Variants in PSME4 observed in about 807,000 individuals in gnomAD.
PSME4 encodes the protein proteasome activator complex subunit 4.
PSME4 carries 89 observed loss-of-function variants against 253.9 expected under a neutral mutation model. The ratio of observed to expected loss-of-function variants is 0.35; its 90% CI spans 0.30 to 0.42. PSME4 has a LOEUF of 0.42. Among genes scored for constraint, PSME4 ranks in the 10% least tolerant of loss-of-function variants. The probability of loss-of-function intolerance (pLI) is 1.00; values close to 1 mark genes in which losing one functional copy is unlikely to be tolerated. For synonymous variants in PSME4, 851 were observed against 759.2 expected (o/e 1.12, Z -1.99); for missense variants, 2,014 against 2,195.2 (o/e 0.92, Z 1.65).
intron 20 of PSME4, among the ~76,000 whole-genome samples, chr2:53,912,757 T>C (rs1322154176): frequency 6.6e-6 from 1 of 152,214 alleles, no homozygotes; most frequent in Non-Finnish European, 1.5e-5. Context: ...TGAGCCATAG[T>C]ATCCTACCTC....
At chr2:53,968,437 T>C (rs1470796232) in intron 1 of PSME4, among the ~76,000 whole-genome samples, 2 of 152,112 alleles carry the variant, frequency 1.3e-5, no homozygotes, top group African/African-American at 4.8e-5. Context: ...CTAAATATGA[T>C]CACCACTCAG....
chr2:53,951,601 T>C (rs1001114903), intron 1 of PSME4, among the ~76,000 whole-genome samples: 51 of 152,220 alleles, frequency 3.4e-4, no homozygotes, highest in African/African-American at 8.7e-4. Context: ...GATCTTGTTT[T>C]GGTTCTGCCA....
chr2:53,943,904 G>T (rs1558416855), intron 3 of PSME4, among the ~76,000 whole-genome samples: 1 of 149,638 alleles, frequency 6.7e-6, no homozygotes. Flanking sequence ...CCTTGCTGAT[G>T]CACATTAACA....
At chr2:53,953,747 T>C (rs1670107047) in intron 1 of PSME4, among the ~76,000 whole-genome samples, 1 of 152,176 alleles carries the variant, frequency 6.6e-6, no homozygotes, top group Non-Finnish European at 1.5e-5. Flanking sequence ...CTACAGATGG[T>C]GCATTCCCTC....
intron 1 of PSME4, among the ~76,000 whole-genome samples, chr2:53,950,863 G>C (rs1053666391): frequency 6.8e-6 from 1 of 146,436 alleles, no homozygotes; most frequent in Non-Finnish European, 1.5e-5. Flanking sequence ...AAAAAGAAAA[G>C]AAAAAGGTGT....
chr2:53,959,407 C>T (rs1388534870), intron 1 of PSME4, among the ~76,000 whole-genome samples: 1 of 152,038 alleles, frequency 6.6e-6, no homozygotes, highest in African/African-American at 2.4e-5. Flanking sequence ...TCCCTGACAG[C>T]TAGGGCTAAA....
At chr2:53,890,380 C>T (rs1005602001) in intron 36 of PSME4, among the ~76,000 whole-genome samples, 172 bp from the exon 37 acceptor site, 9 of 152,162 alleles carry the variant, frequency 5.9e-5, no homozygotes, top group South Asian at 4.1e-4. Flanking sequence ...GATCATACCT[C>T]GATGTAGCCT....
At chr2:53,949,343 A>T in intron 1 of PSME4, 60 bp from the exon 2 acceptor site, 1 of 1,123,406 alleles carries the variant, frequency 8.9e-7, no homozygotes, top group South Asian at 1.9e-5. Context: ...TCCATGTTCA[A>T]TGCAGCATTA....
intron 17 of PSME4, 140 bp from the exon 18 acceptor site, chr2:53,921,244 T>C: frequency 1.6e-6 from 2 of 1,272,916 alleles, no homozygotes; most frequent in Non-Finnish European, 2.1e-6. Context: ...TCACTTTAAC[T>C]GCATTCTAAT....
chr2:53,923,016 T>C (rs779269772), intron 16 of PSME4, 33 bp downstream of exon 16: 23 of 1,420,126 alleles, frequency 1.6e-5, no homozygotes, highest in Non-Finnish European at 1.9e-5. Flanking sequence ...TTATCCAAAA[T>C]TGTAAAGAGA....
intron 19 of PSME4, among the ~76,000 whole-genome samples, chr2:53,919,697 T>C (rs1470020156): frequency 6.6e-6 from 1 of 152,232 alleles, no homozygotes; most frequent in Non-Finnish European, 1.5e-5. Context: ...TAAATCTGCT[T>C]ATGAAAAATT....
At position 53,970,721 on chromosome 2, in the gene PSME4, C is replaced by T. The variant is rs1319028214; in HGVS notation, c.64G>A (p.Gly22Ser). The change falls in exon 1 of 47, where the codon GGC becomes AGC. Residue 22 changes from glycine (G) to serine (S), a missense_variant. Coordinates refer to ENST00000404125, the MANE Select transcript of PSME4 (RefSeq NM_014614.3). The stretch of plus-strand genomic sequence containing the variant: ...TTCTGCGGGACGAAGCCCCGCGGGC[C>T]CGGCTCGGGACGCCCGCCCGGCTCC... ...PPEPGGRPEP[G>S]PRGFVPQKEI... 8 of 1,548,138 alleles carry T rather than the reference C, an allele frequency of 5.2e-6. No individual in the cohort carries two copies. In the African/African-American group the frequency reaches 8.2e-5, roughly 16 times the overall value.
intron 19 of PSME4, 140 bp from the exon 20 acceptor site, chr2:53,919,386 T>C (rs900209441): frequency 1.0e-5 from 12 of 1,171,390 alleles, no homozygotes; most frequent in African/African-American, 4.8e-5. Context: ...TTTACCAACT[T>C]AACAGTGAAG....
chr2:53,952,953 T>G (rs1298985426), intron 1 of PSME4, among the ~76,000 whole-genome samples: 1 of 152,202 alleles, frequency 6.6e-6, no homozygotes, highest in Non-Finnish European at 1.5e-5. Flanking sequence ...TTCATTGCAG[T>G]AGACAGACAA....
At chr2:53,911,141 G>T (rs1010342702) in intron 20 of PSME4, among the ~76,000 whole-genome samples, 1 of 152,012 alleles carries the variant, frequency 6.6e-6, no homozygotes, top group Admixed American at 6.5e-5. Context: ...TAAGTAATAG[G>T]TAAAAACATA....
rs1678482668 is a variant in PSME4, at chr2:53,864,630, G to C, written c.*948C>G. On this transcript the variant is annotated 3_prime_UTR_variant, in exon 47 of 47. Transcript: ENST00000404125. ...ATGTCTTGCCAATGCTATCTCTACA[G>C]TTTATACACTCTTTTACATTTATAT... is the stretch of plus-strand genomic sequence containing the variant. 6.6e-6 allele frequency: 1 copy of C among 152,478 alleles called. No individual in the cohort carries two copies. Among genetic ancestry groups the C allele is most frequent in the Non-Finnish European group, 1.5e-5 (1 of 68,034 alleles). 9.4% of individuals were successfully genotyped at this position (152,478 alleles called of 1,614,324 possible).
intron 20 of PSME4, among the ~76,000 whole-genome samples, chr2:53,916,440 AGTATATT>A (rs1326902123): frequency 6.6e-6 from 1 of 152,146 alleles, no homozygotes; most frequent in Non-Finnish European, 1.5e-5. Flanking sequence ...TCCCTGACCT[AGTATATT>A]TTCCCATTTC....
intron 20 of PSME4, among the ~76,000 whole-genome samples, chr2:53,916,874 A>C (rs1311423541): frequency 6.6e-6 from 1 of 152,102 alleles, no homozygotes; most frequent in Middle Eastern, 3.2e-3. Flanking sequence ...GCAAAAGTCA[A>C]AGGAAGACGG....
At chr2:53,966,639 C>G (rs1377382913) in intron 1 of PSME4, among the ~76,000 whole-genome samples, 1 of 151,764 alleles carries the variant, frequency 6.6e-6, no homozygotes, top group Non-Finnish European at 1.5e-5. Context: ...GGTGTTCTAA[C>G]GAGCACCCGC....
Sources: gnomAD v4.1 joint callset for allele counts (sites outside exome capture counted in the v4.1 genomes callset) on GRCh38, gnomAD v4.1.1 for gene constraint, MANE v1.5 for transcripts, NCBI Gene and HGNC (gene_info 2026-07-23, HGNC 2026-07-21) for gene names.